The following SLC16A7 variants were observed in gnomAD, a reference collection of about 807,000 sequenced individuals.
SLC16A7 encodes monocarboxylate transporter 2.
Under a neutral mutation model 34.9 loss-of-function variants are expected in SLC16A7, and 33 were observed. The observed-to-expected ratio is 0.94, with a 90% CI of 0.72 to 1.26. SLC16A7 has a LOEUF of 1.26. Ranked by LOEUF, SLC16A7 falls within the 50% of genes most tolerant of loss-of-function variation. The pLI is 0.00. For synonymous variants in SLC16A7, 201 were observed against 206.6 expected (o/e 0.97, Z 0.23); for missense variants, 573 against 578.1 (o/e 0.99, Z 0.09).
At chr12:59,608,998 T>C (rs1816299315) in intron 1 of SLC16A7, among the ~76,000 whole-genome samples, 1 of 152,200 alleles carries the variant, frequency 6.6e-6, no homozygotes, top group Admixed American at 6.5e-5. Context: ...GTGAATATTA[T>C]GTAGGGGCCA....
intron 3 of SLC16A7, among the ~76,000 whole-genome samples, chr12:59,721,769 A>C (rs1286015966): frequency 1.3e-5 from 2 of 151,900 alleles, no homozygotes; most frequent in Admixed American, 1.3e-4. Context: ...TCCCCATTGT[A>C]ATTGACCTTT....
rs1174339297 is a variant in SLC16A7 at position 59,786,109 on chromosome 12, G to A, written c.*6430G>A. ...TAGGTGACGAGTTAGTGGGTGCAGC[G>A]CACCAGCATGGCACATGTATACATA... On this transcript the variant is annotated 3_prime_UTR_variant, in exon 6 of 6. Coordinates refer to ENST00000547379, the MANE Select transcript of SLC16A7 (RefSeq NM_001270623.2). The A allele has an allele frequency of 6.6e-6, 1 of 151,142 alleles. No homozygotes were observed. Among genetic ancestry groups the A allele is most frequent in the Admixed American group, 6.6e-5 (1 of 15,150 alleles). The allele number at this position is 151,142 out of a possible 1,614,324, so 9.4% of individuals were successfully genotyped here. A position where few individuals can be genotyped will look rare whatever the true frequency, so the allele number is the denominator to read the frequency against.
intron 2 of SLC16A7, chr12:59,696,331 G>A (rs1234687274): frequency 6.6e-6 from 1 of 151,804 alleles, no homozygotes; most frequent in Admixed American, 6.6e-5. Flanking sequence ...TAAAGGCAGT[G>A]GCTCTAATTA....
At chr12:59,599,631 G>T (rs778680112) in intron 1 of SLC16A7, among the ~76,000 whole-genome samples, 1 of 152,188 alleles carries the variant, frequency 6.6e-6, no homozygotes, top group Non-Finnish European at 1.5e-5. Context: ...CACCAAAGAC[G>T]ATAACAAATA....
chr12:59,628,685 T>C (rs770248936), intron 1 of SLC16A7, among the ~76,000 whole-genome samples: 2 of 151,792 alleles, frequency 1.3e-5, no homozygotes, highest in African/African-American at 4.8e-5. Context: ...CGTGTGTGTG[T>C]GCGCGTATTT....
Position 59,779,444 on chromosome 12 carries a change from G to A in SLC16A7, c.1202G>A (p.Gly401Glu). The change falls in exon 6 of 6, where the codon GGA becomes GAA. Residue 401 changes from glycine (G) to glutamate (E), a missense_variant. Coordinates refer to ENST00000547379, the MANE Select transcript of SLC16A7 (RefSeq NM_001270623.2). ...PLAGKLVDLT[G>E]EYKYMYMSCG... is the part of the protein sequence containing the mutation. ...CTAGGTAAATTGGTGGATTTAACTG[G>A]AGAATATAAATACATGTACATGTCC... 2 of 1,598,718 alleles carry A rather than the reference G, an allele frequency of 1.3e-6. No individual in the cohort carries two copies. The highest frequency in any genetic ancestry group is 1.7e-6 in the Non-Finnish European group (2 of 1,171,334).
intron 2 of SLC16A7, among the ~76,000 whole-genome samples, chr12:59,665,754 C>G (rs568709413): frequency 2.0e-5 from 3 of 151,966 alleles, no homozygotes; most frequent in African/African-American, 7.2e-5. Flanking sequence ...TATATATACA[C>G]ACACACACAC....
At chr12:59,668,950 A>T (rs1208304548) in intron 2 of SLC16A7, among the ~76,000 whole-genome samples, 1 of 152,126 alleles carries the variant, frequency 6.6e-6, no homozygotes, top group African/African-American at 2.4e-5. Context: ...GCCATGTTAG[A>T]CATGGCTTTG....
intron 3 of SLC16A7, among the ~76,000 whole-genome samples, chr12:59,718,695 T>C (rs1400769928): frequency 1.3e-5 from 2 of 152,142 alleles, no homozygotes; most frequent in African/African-American, 4.8e-5. Flanking sequence ...ATTTAAGCTG[T>C]TTTGAAAATT....
chr12:59,685,171 T>C (rs1287566499), intron 2 of SLC16A7, among the ~76,000 whole-genome samples: 1 of 152,198 alleles, frequency 6.6e-6, no homozygotes, highest in East Asian at 1.9e-4. Context: ...CTCCTATAGC[T>C]TTCATTTAGG....
intron 1 of SLC16A7, among the ~76,000 whole-genome samples, chr12:59,622,111 G>T (rs1879720464): frequency 6.6e-6 from 1 of 151,838 alleles, no homozygotes; most frequent in Non-Finnish European, 1.5e-5. Context: ...TAAGGTAAAG[G>T]TAAATTATTA....
intron 3 of SLC16A7, among the ~76,000 whole-genome samples, chr12:59,766,902 A>T (rs1881706820): frequency 6.6e-6 from 1 of 152,044 alleles, no homozygotes; most frequent in Admixed American, 6.6e-5. Context: ...CTTCAGAAGG[A>T]ATGGTACCAG....
Position 59,775,000 on chromosome 12 carries a change from G to A in SLC16A7, c.705G>A (p.Lys235=). The change falls in exon 5 of 6, where the codon AAG becomes AAA. Residue 235 remains lysine, a synonymous_variant. Coordinates refer to ENST00000547379, the MANE Select transcript of SLC16A7 (RefSeq NM_001270623.2). Reference sequence around the variant, plus strand: ...AATCAACTTGGGAAAAAGTTAATAAGTATTTAGATTTCTCCCTTTTTAAGC... The same window carrying A: ...AATCAACTTGGGAAAAAGTTAATAAATATTTAGATTTCTCCCTTTTTAAGC... The part of the protein sequence containing the change: ...TKKSTWEKVN[K]YLDFSLFKHR... 6.2e-7 allele frequency: 1 copy of A among 1,613,656 alleles called. No homozygotes were observed. Among genetic ancestry groups the A allele is most frequent in the African/African-American group, 1.3e-5 (1 of 75,016 alleles).
chr12:59,774,572 T>C, intron 4 of SLC16A7, 85 bp from the exon 5 acceptor site: 2 of 781,924 alleles, frequency 2.6e-6, no homozygotes, highest in South Asian at 2.0e-5. Context: ...CTTTCCCACT[T>C]GAATGTACAT....
chr12:59,782,481 A>G lies in SLC16A7; in HGVS notation c.*2802A>G, dbSNP rs1302834657. 6.6e-6 allele frequency: 1 copy of G among 152,192 alleles called. No homozygotes were observed. Among genetic ancestry groups the G allele is most frequent in the Non-Finnish European group, 1.5e-5 (1 of 68,024 alleles). 9.4% of individuals were successfully genotyped at this position (152,192 alleles called of 1,614,324 possible). ...ATGAACATATTTCTTTCTCTAGGGA[A>G]TAATAGGTTTTAAACATTTGAGATA... On this transcript the variant is annotated 3_prime_UTR_variant, in exon 6 of 6. Coordinates refer to ENST00000547379, the MANE Select transcript of SLC16A7 (RefSeq NM_001270623.2).
intron 3 of SLC16A7, among the ~76,000 whole-genome samples, chr12:59,705,880 AT>A (rs1356670850): frequency 6.6e-6 from 1 of 152,068 alleles, no homozygotes; most frequent in Non-Finnish European, 1.5e-5. Flanking sequence ...GTGATTTCTT[AT>A]TTTTCAAGTA....
rs1401516104 is a variant in SLC16A7, at chr12:59,671,908, TA to T, written c.-31+16659del. Among the ~76,000 whole-genome samples, 3 of 63,688 alleles carry T rather than the reference TA, an allele frequency of 4.7e-5. 1 individual carries two copies. The highest frequency in any genetic ancestry group is 8.1e-5 in the Non-Finnish European group (3 of 37,142). 41.8% of individuals were successfully genotyped at this position (63,688 alleles called of 152,430 possible). On this transcript the variant is annotated intron_variant, in intron 2 of 5. Transcript: ENST00000547379. Reference sequence around the variant, plus strand: ...ATATATGTACATATGTATATATACATATATGTATATATGTATATATCCATAT... The same window carrying T: ...ATATATGTACATATGTATATATACATTATGTATATATGTATATATCCATAT...
chr12:59,678,388 G>A (rs1039955276), intron 2 of SLC16A7, among the ~76,000 whole-genome samples: 13 of 152,128 alleles, frequency 8.5e-5, no homozygotes, highest in African/African-American at 3.1e-4. Context: ...GAGGAGACCT[G>A]CAGTAGGTAG....
chr12:59,680,506 A>C (rs1053951032), intron 2 of SLC16A7, among the ~76,000 whole-genome samples: 3 of 152,182 alleles, frequency 2.0e-5, no homozygotes, highest in African/African-American at 7.2e-5. Context: ...AACTAAAATG[A>C]AAATTTCTCC....
Sources: allele counts gnomAD v4.1 joint callset (sites outside exome capture counted in the v4.1 genomes callset), GRCh38; gene constraint gnomAD v4.1.1; transcripts MANE v1.5; gene names NCBI Gene and HGNC (gene_info 2026-07-23, HGNC 2026-07-21).